The following HEY2 variants were observed in gnomAD, a reference collection of about 807,000 sequenced individuals.
HEY2 encodes the protein hairy/enhancer-of-split related with YRPW motif protein 2.
In HEY2, 10 loss-of-function variants were observed where a neutral mutation model predicts 18.1. That is an observed-to-expected ratio of 0.55 (90% CI 0.34 to 0.94). The LOEUF is 0.94. HEY2 is among the 40% of genes least tolerant of loss of function. The pLI is 0.02. For missense variants in HEY2, 455 were observed against 455.9 expected (o/e 1.00, Z 0.02); for synonymous variants, 210 against 182.7 (o/e 1.15, Z -1.21).
intron 4 of HEY2, among the ~76,000 whole-genome samples, chr6:125,758,898 C>A (rs1483755577): frequency 6.6e-6 from 1 of 152,178 alleles, no homozygotes; most frequent in African/African-American, 2.4e-5. Context: ...CCAGAGTTGT[C>A]ACACATGTGA....
chr6:125,751,588 G>A (rs1773543534), intron 1 of HEY2, among the ~76,000 whole-genome samples: 1 of 152,204 alleles, frequency 6.6e-6, no homozygotes, highest in Non-Finnish European at 1.5e-5. Flanking sequence ...CAATGGGTTA[G>A]CATCTGGATT....
intron 1 of HEY2, 28 bp downstream of exon 1, chr6:125,749,887 C>T (rs1006029053): frequency 6.5e-7 from 1 of 1,536,316 alleles, no homozygotes; most frequent in Non-Finnish European, 8.8e-7. Context: ...GGGAGCGGCC[C>T]GCAGCTCGGG....
At chr6:125,757,823 G>A (rs757966996) in intron 4 of HEY2, among the ~76,000 whole-genome samples, 1 of 152,174 alleles carries the variant, frequency 6.6e-6, no homozygotes, top group Non-Finnish European at 1.5e-5. Context: ...GGTGGCACAT[G>A]CCTATAGTCC....
Position 125,759,844 on chromosome 6 carries a change from A to G in HEY2, c.*42A>G. ...TTGCAATAGTAACTGAATGTCCTCC[A>G]TTTCAGAGTCAGCTTAAAACCTCTG... On this transcript the variant is annotated 3_prime_UTR_variant, in exon 5 of 5. Transcript: ENST00000368364. The G allele has an allele frequency of 1.9e-6, 3 of 1,542,504 alleles. No individual in the cohort carries two copies. Among genetic ancestry groups the G allele is most frequent in the Non-Finnish European group, 2.7e-6 (3 of 1,121,260 alleles).
intron 4 of HEY2, among the ~76,000 whole-genome samples, chr6:125,757,762 A>C (rs1583190650): frequency 6.6e-6 from 1 of 152,208 alleles, no homozygotes; most frequent in Admixed American, 6.5e-5. Context: ...CAGTCTGAGC[A>C]ACATAGCGAG....
intron 1 of HEY2, among the ~76,000 whole-genome samples, chr6:125,751,292 T>C (rs1223141611): frequency 6.6e-6 from 1 of 152,216 alleles, no homozygotes; most frequent in Non-Finnish European, 1.5e-5. Context: ...TTTGAAACAG[T>C]AAGATAACTT....
rs774296494 is a variant in HEY2, at chr6:125,759,197, C to T, written c.409C>T (p.Leu137=). 4 of 1,613,582 alleles carry T rather than the reference C, an allele frequency of 2.5e-6. No homozygotes were observed. The highest frequency in any genetic ancestry group is 3.4e-6 in the Non-Finnish European group (4 of 1,180,030). The change falls in exon 5 of 5, where the codon CTG becomes TTG. Residue 137 remains leucine, a synonymous_variant. Coordinates refer to ENST00000368364, the MANE Select transcript of HEY2 (RefSeq NM_012259.3). ...RECLTEVARY[L]SSVEGLDSSD... ...GTGCCTAACAGAAGTTGCGCGGTACCTGAGCTCCGTGGAAGGCCTGGACTC... is the reference window on the plus strand; with the variant it reads ...GTGCCTAACAGAAGTTGCGCGGTACTTGAGCTCCGTGGAAGGCCTGGACTC...
In HEY2 at chr6:125,759,698, A is replaced by C. The variant is rs1178159578; in HGVS notation, c.910A>C (p.Ser304Arg). The C allele has an allele frequency of 1.2e-6, 2 of 1,613,004 alleles. No homozygotes were observed. Among genetic ancestry groups the C allele is most frequent in the Non-Finnish European group, 1.7e-6 (2 of 1,180,014 alleles). Residue 304 changes from serine (S) to arginine (R), a missense_variant, in exon 5 of 5, where the codon AGC (serine) becomes CGC (arginine). Ser to Arg is a moderately radical substitution (Grantham distance 110). Transcript: ENST00000368364. ...AGCAGTGGCCGCGGCCACAGCCATC[A>C]GCCCGCCCTTGTCAGTATCAGCCAC... ...AAAVAAATAI[S>R]PPLSVSATSS... is the part of the protein sequence containing the mutation.
intron 4 of HEY2, 81 bp downstream of exon 4, chr6:125,754,627 G>A: frequency 1.4e-6 from 1 of 717,958 alleles, no homozygotes; most frequent in Non-Finnish European, 2.3e-6. Flanking sequence ...ATATTGTAAG[G>A]AAGTCATAGC....
chr6:125,759,301 C>T lies in HEY2; in HGVS notation c.513C>T (p.Ser171=). 1 of 1,605,934 alleles carries T rather than the reference C, an allele frequency of 6.2e-7. No homozygotes were observed. Among genetic ancestry groups the T allele is most frequent in the Non-Finnish European group, 8.5e-7 (1 of 1,179,726 alleles). The change falls in exon 5 of 5, where the codon TCC becomes TCT. Residue 171 remains serine (S), a synonymous_variant. Transcript: ENST00000368364. ...ATQREAAAMT[S]SMAHHHHPLH... ...AGCGGGAGGCGGCGGCCATGACATCCTCCATGGCCCACCACCATCATCCGC... is the reference window on the plus strand; with the variant it reads ...AGCGGGAGGCGGCGGCCATGACATCTTCCATGGCCCACCACCATCATCCGC...
At chr6:125,753,928 A>T (rs536157803) in intron 3 of HEY2, among the ~76,000 whole-genome samples, 2 of 152,180 alleles carry the variant, frequency 1.3e-5, no homozygotes, top group African/African-American at 4.8e-5. Flanking sequence ...AGATCCAATT[A>T]TATGGTTCTA....
chr6:125,752,128 C>A, intron 3 of HEY2, 38 bp downstream of exon 3: 1 of 1,224,720 alleles, frequency 8.2e-7, no homozygotes, highest in Non-Finnish European at 1.2e-6. Context: ...CCACCCACCC[C>A]GCCACCCCCC....
chr6:125,752,134 C>G (rs760487306), intron 3 of HEY2, 44 bp downstream of exon 3: 6 of 1,184,280 alleles, frequency 5.1e-6, no homozygotes, highest in Non-Finnish European at 7.3e-6. Flanking sequence ...ACCCCGCCAC[C>G]CCCCAAAAAA....
chr6:125,758,519 G>T (rs898838290), intron 4 of HEY2, among the ~76,000 whole-genome samples: 1 of 152,088 alleles, frequency 6.6e-6, no homozygotes, highest in Non-Finnish European at 1.5e-5. Context: ...TTTATACAAA[G>T]TTATGACAAG....
intron 4 of HEY2, among the ~76,000 whole-genome samples, chr6:125,757,576 G>A (rs930083256): frequency 6.6e-6 from 1 of 152,200 alleles, no homozygotes; most frequent in Non-Finnish European, 1.5e-5. Context: ...TACAGATTAA[G>A]ATAGCCAAAT....
chr6:125,754,935 T>C (rs1036905755), intron 4 of HEY2, among the ~76,000 whole-genome samples: 5 of 152,202 alleles, frequency 3.3e-5, no homozygotes, highest in Non-Finnish European at 7.3e-5. Context: ...TTCTCCTCCT[T>C]CTGCTTCTTT....
In HEY2 at chr6:125,759,678, T is replaced by C. The variant is rs577238600; in HGVS notation, c.890T>C (p.Val297Ala). 9.9e-6 allele frequency: 16 copies of C among 1,612,452 alleles called. No individual in the cohort carries two copies. In the African/African-American group the frequency reaches 1.2e-4, roughly 12 times the overall value. Residue 297 changes from valine to alanine, a missense_variant, in exon 5 of 5, where the codon GTG becomes GCG. Val to Ala is a moderately conservative substitution (Grantham distance 64). Transcript: ENST00000368364. ...CTTCCCCCAAACGCAGCAGCAGCAG[T>C]GGCCGCGGCCACAGCCATCAGCCCG... ...PMLPPNAAAA[V>A]AAATAISPPL...
chr6:125,759,214 C>T lies in HEY2; in HGVS notation c.426C>T (p.Gly142=). 2.5e-6 allele frequency: 4 copies of T among 1,613,018 alleles called. No homozygotes were observed. Among genetic ancestry groups the T allele is most frequent in the Non-Finnish European group, 3.4e-6 (4 of 1,180,018 alleles). ...CGCGGTACCTGAGCTCCGTGGAAGG[C>T]CTGGACTCCTCGGATCCGCTGCGGG... ...EVARYLSSVE[G]LDSSDPLRVR... is the part of the protein sequence containing the mutation. The change falls in exon 5 of 5, where the codon GGC becomes GGT. Residue 142 remains glycine (G), a synonymous_variant. Transcript: ENST00000368364.
In HEY2 at chr6:125,759,309, C is replaced by A; in HGVS notation, c.521C>A (p.Ala174Asp). The A allele has an allele frequency of 6.2e-7, 1 of 1,605,594 alleles. No homozygotes were observed. The highest frequency in any genetic ancestry group is 8.5e-7 in the Non-Finnish European group (1 of 1,179,512). The change falls in exon 5 of 5, where the codon GCC becomes GAC. Residue 174 changes from alanine to aspartate, a missense_variant. Transcript: ENST00000368364. ...GCGGCGGCCATGACATCCTCCATGG[C>A]CCACCACCATCATCCGCTCCACCCG... is the stretch of plus-strand genomic sequence containing the variant. ...REAAAMTSSM[A>D]HHHHPLHPHH...
Sources: allele counts gnomAD v4.1 joint callset (sites outside exome capture counted in the v4.1 genomes callset), GRCh38; gene constraint gnomAD v4.1.1; transcripts MANE v1.5; gene names NCBI Gene and HGNC (gene_info 2026-07-23, HGNC 2026-07-21).